Variants in MTUS2 observed in about 807,000 individuals in gnomAD.
MTUS2 encodes microtubule-associated tumor suppressor candidate 2.
In MTUS2, 40 loss-of-function variants were observed where a neutral mutation model predicts 114.1. The ratio of observed to expected loss-of-function variants is 0.35; its 90% CI spans 0.27 to 0.46. The LOEUF is 0.46. Ranked by LOEUF, MTUS2 falls within the 20% of genes least tolerant of loss-of-function variation. The probability of loss-of-function intolerance (pLI) is 1.00; values close to 1 mark genes in which losing one functional copy is unlikely to be tolerated. For missense variants in MTUS2, 1,679 were observed against 1,705.4 expected (o/e 0.98, Z 0.27); for synonymous variants, 688 against 672.0 (o/e 1.02, Z -0.37).
chr13:29,368,897 G>T (rs4274285), intron 8 of MTUS2, among the ~76,000 whole-genome samples: 30,764 of 152,148 alleles, frequency 0.2, 3,221 homozygotes, highest in Middle Eastern at 0.25. Context: ...ACCTGGGACA[G>T]CATCTTGGGA....
chr13:29,308,584 G>A (rs1412282795), intron 6 of MTUS2, among the ~76,000 whole-genome samples: 3 of 152,138 alleles, frequency 2.0e-5, no homozygotes, highest in African/African-American at 7.2e-5. Context: ...CTTCTGCACG[G>A]CAAAAGAAAC....
intron 2 of MTUS2, among the ~76,000 whole-genome samples, chr13:29,016,039 G>A (rs1886051949): frequency 6.6e-6 from 1 of 151,864 alleles, no homozygotes; most frequent in Admixed American, 6.6e-5. Context: ...TGAGTAGCTG[G>A]GATTACAGGT....
chr13:28,939,761 G>GTC (rs1329271352), intron 2 of MTUS2, among the ~76,000 whole-genome samples: 2 of 152,022 alleles, frequency 1.3e-5, no homozygotes, highest in Non-Finnish European at 2.9e-5. Context: ...CTAAGAGAAC[G>GTC]TAAGTGTCTT....
Position 29,472,311 on chromosome 13 carries a change from C to T in MTUS2, c.3185-7839C>T, listed in dbSNP as rs536254260. Among the ~76,000 whole-genome samples the T allele has an allele frequency of 1.8e-4, 28 of 152,300 alleles. 2 individuals are homozygous for T. Among genetic ancestry groups the T allele is most frequent in the Admixed American group, 7.8e-4 (12 of 15,306 alleles). On this transcript the variant is annotated intron_variant, in intron 9 of 15. Transcript: ENST00000612955. ...TGCTGGGATTACAGGCGTGAGCCAC[C>T]GTGCCCAGCCATGGTCCATGAACTT... is the stretch of plus-strand genomic sequence containing the variant.
At chr13:28,873,913 T>C (rs1027016155) in intron 2 of MTUS2, among the ~76,000 whole-genome samples, 5 of 152,266 alleles carry the variant, frequency 3.3e-5, no homozygotes, top group Non-Finnish European at 5.9e-5. Flanking sequence ...TTTTGTGTTA[T>C]ACTATCATTT....
Position 29,503,256 on chromosome 13 carries a change from A to T in MTUS2, c.*50A>T. ...TCCGGCTTCTCGTCCTCCGGTCTCCACCCTGAGGGAGCACCGACCCGGTGC... is the reference window on the plus strand; with the variant it reads ...TCCGGCTTCTCGTCCTCCGGTCTCCTCCCTGAGGGAGCACCGACCCGGTGC... On this transcript the variant is annotated 3_prime_UTR_variant, in exon 16 of 16. Transcript: ENST00000612955. 2 of 1,592,696 alleles carry T rather than the reference A, an allele frequency of 1.3e-6. No homozygotes were observed. Among genetic ancestry groups the T allele is most frequent in the South Asian group, 2.2e-5 (2 of 90,422 alleles).
At chr13:29,227,643 A>G (rs947005588) in intron 5 of MTUS2, among the ~76,000 whole-genome samples, 1 of 152,236 alleles carries the variant, frequency 6.6e-6, no homozygotes, top group African/African-American at 2.4e-5. Flanking sequence ...GGGAAGATGA[A>G]ATTATAGGCA....
intron 4 of MTUS2, among the ~76,000 whole-genome samples, chr13:29,069,981 C>T (rs759709862): frequency 7.2e-5 from 11 of 152,220 alleles, no homozygotes; most frequent in Non-Finnish European, 1.2e-4. Context: ...CTATTTTCTA[C>T]ACTCTTCCCT....
chr13:29,073,679 A>G (rs1041325005), intron 4 of MTUS2, among the ~76,000 whole-genome samples: 5 of 152,216 alleles, frequency 3.3e-5, no homozygotes, highest in South Asian at 2.1e-4. Context: ...GCCCTTCTTC[A>G]TTATTCACCT....
At chr13:29,282,540 C>CTCCCA (rs1898316865) in intron 6 of MTUS2, among the ~76,000 whole-genome samples, 1 of 152,242 alleles carries the variant, frequency 6.6e-6, no homozygotes, top group Admixed American at 6.5e-5. Flanking sequence ...TATGCTTCTC[C>CTCCCA]TCCCATCCCT....
chr13:29,318,399 T>TTTTTTC (rs1468789717), intron 6 of MTUS2, among the ~76,000 whole-genome samples: 12 of 150,934 alleles, frequency 8.0e-5, no homozygotes, highest in Admixed American at 7.9e-4. Flanking sequence ...TTCTTTTTTT[T>TTTTTTC]TTTGAGATGA....
rs1366340248 is a variant in MTUS2, at chr13:29,026,401, C to T, written c.1703C>T (p.Pro568Leu). 6.2e-6 allele frequency: 10 copies of T among 1,613,890 alleles called. No homozygotes were observed. Among genetic ancestry groups the T allele is most frequent in the Non-Finnish European group, 8.5e-6 (10 of 1,179,848 alleles). ...GTGTTCGGTATGGATGCGGGGTCCC[C>T]CTTGGTAGTTCCACCCCCTACTGAT... ...VSVFGMDAGS[P>L]LVVPPPTDSA... is the part of the protein sequence containing the mutation. The change falls in exon 3 of 16, where the codon CCC becomes CTC. Residue 568 changes from proline (P) to leucine (L), a missense_variant. Physicochemically the swap from Pro to Leu is moderately conservative, Grantham distance 98. Coordinates refer to ENST00000612955, the MANE Select transcript of MTUS2 (RefSeq NM_001033602.4).
At chr13:29,096,300 C>T (rs763480100) in intron 4 of MTUS2, among the ~76,000 whole-genome samples, 2 of 152,218 alleles carry the variant, frequency 1.3e-5, no homozygotes. Context: ...GTTACATTGT[C>T]TTCCTCCCTT....
chr13:29,359,227 CACAGGTG>C, intron 7 of MTUS2, 28 bp from the exon 8 acceptor site: 1 of 1,546,000 alleles, frequency 6.5e-7, no homozygotes, highest in East Asian at 2.4e-5. Context: ...AGTGTTTTTT[CACAGGTG>C]ACCGGGGTTT....
intron 2 of MTUS2, among the ~76,000 whole-genome samples, chr13:28,880,707 A>T (rs932077659): frequency 2.6e-5 from 4 of 152,166 alleles, no homozygotes; most frequent in African/African-American, 7.2e-5. Context: ...TTGTTTTTCC[A>T]TGTACATATT....
chr13:29,504,570 G>C lies in MTUS2; in HGVS notation c.*1364G>C. The C allele has an allele frequency of 4.3e-6, 1 of 232,858 alleles. No homozygotes were observed. Among genetic ancestry groups the C allele is most frequent in the Middle Eastern group, 1.3e-3 (1 of 784 alleles). 14.4% of individuals were successfully genotyped at this position (232,858 alleles called of 1,614,324 possible). A position where few individuals can be genotyped will look rare whatever the true frequency, so the allele number is the denominator to read the frequency against. Reference sequence around the variant, plus strand: ...CCAAACAGAGGAGCCCAGTGAAACAGCCAGCCAGGGGGCACCAGCTCCTGG... The same window carrying C: ...CCAAACAGAGGAGCCCAGTGAAACACCCAGCCAGGGGGCACCAGCTCCTGG... On this transcript the variant is annotated 3_prime_UTR_variant, in exon 16 of 16. Transcript: ENST00000612955.
At chr13:29,475,260 G>T (rs187671899) in intron 9 of MTUS2, among the ~76,000 whole-genome samples, 34 of 152,290 alleles carry the variant, frequency 2.2e-4, no homozygotes, top group South Asian at 4.1e-4. Context: ...GGTGATGCTG[G>T]TATAAACAAA....
chr13:28,925,689 A>G (rs1301497157), intron 2 of MTUS2, among the ~76,000 whole-genome samples: 1 of 152,194 alleles, frequency 6.6e-6, no homozygotes. Context: ...TGGGCAAGTT[A>G]ACTCACCTCT....
rs1048705910 is a variant in MTUS2, at chr13:29,332,906, A to T, written c.2905+8195A>T. Among the ~76,000 whole-genome samples, 84 of 152,132 alleles carry T rather than the reference A, an allele frequency of 5.5e-4. 1 individual carries two copies. Among genetic ancestry groups the T allele is most frequent in the Admixed American group, 4.9e-3 (75 of 15,276 alleles). On this transcript the variant is annotated intron_variant, in intron 7 of 15. Transcript: ENST00000612955. ...CGTCTCGGCCTCCCAAAGTGCTGGG[A>T]TTACAGGCGTGAGCCACCGCGCCCG... is the stretch of plus-strand genomic sequence containing the variant.
Sources: gnomAD v4.1 joint callset for allele counts (sites outside exome capture counted in the v4.1 genomes callset) on GRCh38, gnomAD v4.1.1 for gene constraint, MANE v1.5 for transcripts, NCBI Gene and HGNC (gene_info 2026-07-23, HGNC 2026-07-21) for gene names.